Variants in EFHD1 observed in about 807,000 individuals in gnomAD.
EFHD1 encodes the protein EF-hand domain family member D1.
EFHD1 carries 10 observed loss-of-function variants against 17.2 expected under a neutral mutation model. The observed-to-expected ratio is 0.58, with a 90% confidence interval of 0.36 to 0.99. The LOEUF (loss-of-function observed/expected upper bound fraction) is 0.99. Ranked by LOEUF, EFHD1 falls within the 50% of genes least tolerant of loss-of-function variation. The pLI, the probability that EFHD1 is intolerant of heterozygous loss-of-function variation, is 0.01. For missense variants in EFHD1, 310 were observed against 327.5 expected, an observed-to-expected ratio of 0.95 and a Z score of 0.41; for synonymous variants, 153 against 142.0, an observed-to-expected ratio of 1.08 and a Z score of -0.55.
chr2:232,632,600 C>T (rs1402110012), upstream of EFHD1, among the ~76,000 whole-genome samples: 1 of 152,096 alleles, frequency 6.6e-6, no homozygotes, highest in Non-Finnish European at 1.5e-5. Flanking sequence ...TCTTTCCTTT[C>T]TTTTTTCCTC....
intron 1 of EFHD1, chr2:232,649,717 T>C (rs1160109453): frequency 6.6e-6 from 1 of 152,232 alleles, no homozygotes; most frequent in Non-Finnish European, 1.5e-5. Flanking sequence ...ACAAGGCTCA[T>C]GGCAGTCTCA....
Position 232,671,666 on chromosome 2 carries a change from G to T in EFHD1, c.451-643G>T, listed in dbSNP as rs191733992. Reference sequence around the variant, plus strand: ...CGCTTGAACCTGGGAGGCAGAGGTTGCAGTGAGCCGAGATCGCACCACTGC... The same window carrying T: ...CGCTTGAACCTGGGAGGCAGAGGTTTCAGTGAGCCGAGATCGCACCACTGC... On this transcript the variant is annotated intron_variant, in intron 2 of 3. Coordinates refer to ENST00000264059, the MANE Select transcript of EFHD1 (RefSeq NM_025202.4). Among the ~76,000 whole-genome samples the T allele has an allele frequency of 8.5e-3, 1,287 of 152,112 alleles. 16 individuals are homozygous for T. Among genetic ancestry groups the T allele is most frequent in the African/African-American group, 0.029 (1,210 of 41,464 alleles).
intron 1 of EFHD1, among the ~76,000 whole-genome samples, chr2:232,658,231 T>G (rs1373416459): frequency 6.6e-6 from 1 of 152,138 alleles, no homozygotes; most frequent in Non-Finnish European, 1.5e-5. Context: ...TTGCTATATT[T>G]TATCTGTGGA....
At chr2:232,637,044 G>A (rs755819736) in intron 1 of EFHD1, among the ~76,000 whole-genome samples, 8 of 152,054 alleles carry the variant, frequency 5.3e-5, no homozygotes, top group Non-Finnish European at 1.2e-4. Flanking sequence ...GGGTGAGGTC[G>A]TTTGTTTCTT....
rs112158565 is a variant in EFHD1, at chr2:232,612,734, CTT to C, written c.14+6576_14+6577del. Among the ~76,000 whole-genome samples, 283 of 133,502 alleles carry C rather than the reference CTT, an allele frequency of 2.1e-3. 2 individuals are homozygous for C. The highest frequency in any genetic ancestry group is 6.9e-3 in the African/African-American group (245 of 35,408). 87.6% of individuals were successfully genotyped at this position (133,502 alleles called of 152,430 possible). The stretch of plus-strand genomic sequence containing the variant: ...GTTTGGTAGTTTCTTTTTTTCTTTT[CTT>C]TTTTTTTTTTTTTTGAGATGGAGTC... On this transcript the variant is annotated intron_variant, in intron 1 of 3. Transcript: ENST00000409613.
upstream of EFHD1, chr2:232,633,340 G>C: frequency 4.1e-6 from 2 of 487,592 alleles, no homozygotes; most frequent in Non-Finnish European, 5.7e-6. Flanking sequence ...CCCCGGAGCT[G>C]ACAGGGGCAG....
chr2:232,633,443 T>A (rs1164870665), upstream of EFHD1: 1 of 1,213,988 alleles, frequency 8.2e-7, no homozygotes, highest in African/African-American at 1.6e-5. Flanking sequence ...CAGGTCGGGG[T>A]CTCCGGGACG....
intron 3 of EFHD1, among the ~76,000 whole-genome samples, chr2:232,675,736 A>G (rs1308116531): frequency 6.6e-6 from 1 of 152,162 alleles, no homozygotes; most frequent in Non-Finnish European, 1.5e-5. Context: ...TGTGGGTCCA[A>G]TAAGGGTAGG....
chr2:232,627,056 ATATATATATTTT>A (rs1198760214), intron 1 of EFHD1, among the ~76,000 whole-genome samples: 3 of 119,328 alleles, frequency 2.5e-5, no homozygotes, highest in East Asian at 5.2e-4. Context: ...ATATATATAT[ATATATATATTTT>A]TTTTTTTTTT....
chr2:232,607,114 C>T (rs1438708250), intron 1 of EFHD1, among the ~76,000 whole-genome samples: 1 of 151,790 alleles, frequency 6.6e-6, no homozygotes, highest in Non-Finnish European at 1.5e-5. Context: ...ACCTCAGCCT[C>T]CCGAAGTGCT....
intron 2 of EFHD1, among the ~76,000 whole-genome samples, chr2:232,668,880 C>T (rs1166312378): frequency 3.9e-5 from 6 of 152,058 alleles, no homozygotes; most frequent in African/African-American, 1.2e-4. Context: ...GTGATCCGCT[C>T]GACTCAGCCT....
intron 1 of EFHD1, among the ~76,000 whole-genome samples, chr2:232,607,858 C>A (rs1014418460): frequency 1.3e-5 from 2 of 151,290 alleles, no homozygotes; most frequent in African/African-American, 4.9e-5. Context: ...CTTTGAGAGG[C>A]CAAGTCGGGA....
chr2:232,663,047 G>C, intron 2 of EFHD1, 98 bp downstream of exon 2: 1 of 1,360,738 alleles, frequency 7.3e-7, no homozygotes, highest in Non-Finnish European at 9.6e-7. Context: ...GGCCTCTCCA[G>C]AGCGCTGTTT....
chr2:232,676,388 T>G (rs1412462762), intron 3 of EFHD1, among the ~76,000 whole-genome samples: 1 of 152,088 alleles, frequency 6.6e-6, no homozygotes, highest in Non-Finnish European at 1.5e-5. Context: ...CATGGGAGGT[T>G]AGGGAATGTC....
At chr2:232,678,918 G>C (rs761677741) in intron 3 of EFHD1, among the ~76,000 whole-genome samples, 4 of 152,218 alleles carry the variant, frequency 2.6e-5, no homozygotes, top group Non-Finnish European at 5.9e-5. Context: ...TGAAGATAAA[G>C]TCAAGTCCCT....
chr2:232,677,404 G>A (rs1224040459), intron 3 of EFHD1, among the ~76,000 whole-genome samples: 1 of 151,498 alleles, frequency 6.6e-6, no homozygotes, highest in Non-Finnish European at 1.5e-5. Context: ...TTTAGAAAAT[G>A]GACACTGATT....
chr2:232,631,446 G>A (rs950179954), upstream of EFHD1, among the ~76,000 whole-genome samples: 2 of 151,526 alleles, frequency 1.3e-5, no homozygotes, highest in Non-Finnish European at 2.9e-5. Flanking sequence ...TACCACACCT[G>A]GCTAGTTGTT....
intron 1 of EFHD1, among the ~76,000 whole-genome samples, chr2:232,635,147 A>G (rs983642692): frequency 8.5e-5 from 13 of 152,140 alleles, no homozygotes; most frequent in African/African-American, 3.1e-4. Context: ...TAGTTTGGGC[A>G]GTTCAGGAAG....
upstream of EFHD1, chr2:232,633,178 C>T (rs986264263): frequency 7.2e-5 from 11 of 152,598 alleles, no homozygotes; most frequent in African/African-American, 2.7e-4. Context: ...GGCACCACTC[C>T]CAGACGCGGG....
Sources: allele counts gnomAD v4.1 joint callset (sites outside exome capture counted in the v4.1 genomes callset), GRCh38; gene constraint gnomAD v4.1.1; transcripts MANE v1.5; gene names NCBI Gene and HGNC (gene_info 2026-07-23, HGNC 2026-07-21).